CTNNA1: variants seen among roughly 807,000 people sequenced by gnomAD.
The protein encoded by CTNNA1 is catenin alpha-1.
A neutral mutation model predicts 98.4 loss-of-function variants in CTNNA1; 37 were observed. The ratio of observed to expected loss-of-function variants is 0.38; its 90% CI spans 0.29 to 0.49. The LOEUF is 0.49. CTNNA1 is among the 20% of genes least tolerant of loss of function. CTNNA1 has a pLI of 0.95. For missense variants in CTNNA1, 761 were observed against 1,147.2 expected (o/e 0.66, Z 4.86); for synonymous variants, 404 against 413.2 (o/e 0.98, Z 0.27).
intron 1 of CTNNA1, among the ~76,000 whole-genome samples, chr5:138,776,734 C>A (rs867961569): frequency 6.7e-6 from 1 of 149,856 alleles, no homozygotes; most frequent in African/African-American, 2.4e-5. Flanking sequence ...CTCCTCACTT[C>A]CCAGTAGGGG....
At chr5:138,931,329 C>CTGAT (rs1352656654) in intron 16 of CTNNA1, among the ~76,000 whole-genome samples, 2 of 152,222 alleles carry the variant, frequency 1.3e-5, no homozygotes, top group Non-Finnish European at 2.9e-5. Context: ...TTCCCTCACA[C>CTGAT]TGATAGGTAC....
intron 7 of CTNNA1, among the ~76,000 whole-genome samples, chr5:138,851,447 T>C (rs1462255330): frequency 6.6e-6 from 1 of 152,056 alleles, no homozygotes; most frequent in Non-Finnish European, 1.5e-5. Flanking sequence ...GCAGGAGAGG[T>C]GTACACGTGG....
At position 138,759,923 on chromosome 5, in the gene CTNNA1, T is replaced by G. The variant is rs146205302; in HGVS notation, c.-3+6413T>G. Among the ~76,000 whole-genome samples, 343 of 151,960 alleles carry G rather than the reference T, an allele frequency of 2.3e-3. 1 individual carries two copies. Among genetic ancestry groups the G allele is most frequent in the African/African-American group, 8.1e-3 (335 of 41,452 alleles). On this transcript the variant is annotated intron_variant, in intron 1 of 17. Transcript: ENST00000302763. ...AATTGTCTAGGTGGGGAGACTGATC[T>G]TGGTGCTTCCTACTCTGCTGTTTTA...
chr5:138,852,859 TCGCG>T (rs1554089776), intron 7 of CTNNA1, among the ~76,000 whole-genome samples: 1 of 15,644 alleles, frequency 6.4e-5, no homozygotes, highest in Non-Finnish European at 1.5e-4. Flanking sequence ...TTCCCTCTTT[TCGCG>T]CGCGCGCGCA....
chr5:138,782,022 T>A lies in CTNNA1; in HGVS notation c.98T>A (p.Val33Asp). The A allele has an allele frequency of 2.5e-6, 4 of 1,608,406 alleles. No individual in the cohort carries two copies. The highest frequency in any genetic ancestry group is 3.4e-6 in the Non-Finnish European group (4 of 1,178,802). ...GTTGAGAGACTGTTGGAGCCTCTTG[T>A]TACACAGGTAAGAATCTGAAAACAC... ...LAVERLLEPL[V>D]TQVTTLVNTN... Residue 33 changes from valine to aspartate, a missense_variant, in exon 2 of 18, where the codon GTT (valine) becomes GAT (aspartate). Val to Asp is a radical substitution (Grantham distance 152). Transcript: ENST00000302763.
At chr5:138,807,817 G>A (rs538624719) in intron 3 of CTNNA1, among the ~76,000 whole-genome samples, 12 of 152,096 alleles carry the variant, frequency 7.9e-5, no homozygotes, top group South Asian at 2.1e-4. Flanking sequence ...GCGTGTTCTC[G>A]GTTCACTGCA....
At chr5:138,910,760 A>G (rs557365149) in intron 10 of CTNNA1, among the ~76,000 whole-genome samples, 1 of 152,258 alleles carries the variant, frequency 6.6e-6, no homozygotes, top group Non-Finnish European at 1.5e-5. Flanking sequence ...GTCTCAGGGG[A>G]GAGAGCTCCA....
intron 9 of CTNNA1, among the ~76,000 whole-genome samples, chr5:138,903,610 C>A (rs1190082084): frequency 6.6e-6 from 1 of 152,150 alleles, no homozygotes; most frequent in Non-Finnish European, 1.5e-5. Context: ...AAAGATTGTT[C>A]CTGGCCACGT....
rs1580862601 is a variant in CTNNA1 at position 138,925,408 on chromosome 5, G to A, written c.1899+1G>A. 6.2e-7 allele frequency: 1 copy of A among 1,613,404 alleles called. No individual in the cohort carries two copies. Among genetic ancestry groups the A allele is most frequent in the Non-Finnish European group, 8.5e-7 (1 of 1,179,748 alleles). On this transcript the variant is annotated splice_donor_variant, in intron 13 of 17. Transcript: ENST00000302763. LOFTEE classifies it high-confidence loss of function. ...CAGGAAAGCAGTGCTGATGATAAGG[G>A]TGAGTAACTGCATTTCAGACGTCTT...
intron 3 of CTNNA1, among the ~76,000 whole-genome samples, chr5:138,804,284 G>A (rs563817464): frequency 6.6e-6 from 1 of 151,468 alleles, no homozygotes. Flanking sequence ...ATTCAATACT[G>A]GTTTTTTTTC....
At chr5:138,932,261 G>A in intron 16 of CTNNA1, 2 of 1,139,920 alleles carry the variant, frequency 1.8e-6, no homozygotes, top group Non-Finnish European at 2.2e-6. Flanking sequence ...TTTGGGGTGA[G>A]GGGATCCTTG....
At chr5:138,921,202 CTT>C (rs1762848736) in intron 11 of CTNNA1, among the ~76,000 whole-genome samples, 1 of 152,208 alleles carries the variant, frequency 6.6e-6, no homozygotes, top group Non-Finnish European at 1.5e-5. Flanking sequence ...GATAAAGACT[CTT>C]TGAATTTCAC....
chr5:138,894,139 G>A (rs1034262490), intron 9 of CTNNA1, among the ~76,000 whole-genome samples: 12 of 150,122 alleles, frequency 8.0e-5, no homozygotes, highest in South Asian at 4.3e-4. Context: ...GGCTGGTCTC[G>A]AACTCCTGAC....
chr5:138,925,244 CTT>C lies in CTNNA1; in HGVS notation c.1748-10_1748-9del, dbSNP rs779700217. On this transcript the variant is annotated splice_polypyrimidine_tract_variant and intron_variant, in intron 12 of 17. Coordinates refer to ENST00000302763, the MANE Select transcript of CTNNA1 (RefSeq NM_001903.5). ...GCTGACCAGGGTATCTACTGTGCCTCTTTCTCCACAGTCATGCCACGTTTTAC... is the reference window on the plus strand; with the variant it reads ...GCTGACCAGGGTATCTACTGTGCCTCTCTCCACAGTCATGCCACGTTTTAC... 1.2e-5 allele frequency: 20 copies of C among 1,612,942 alleles called. No individual in the cohort carries two copies. In the Admixed American group the frequency reaches 3.3e-4, roughly 27 times the overall value.
Position 138,874,456 on chromosome 5 carries a change from T to C in CTNNA1, c.1063-11756T>C, listed in dbSNP as rs2149936472. The C allele has an allele frequency of 1.2e-6, 2 of 1,613,610 alleles. No homozygotes were observed. The highest frequency in any genetic ancestry group is 1.1e-5 in the South Asian group (1 of 90,988). On this transcript the variant is annotated intron_variant, in intron 7 of 17. Coordinates refer to ENST00000302763, the MANE Select transcript of CTNNA1 (RefSeq NM_001903.5). The surrounding 1 kb of genome is among the most constrained non-coding windows in gnomAD (Gnocchi z 4.1). ...GCAGCTTCTCGCAGCGGCATTTGGGTGGACACGCCATACCCAGGGCAGGCA... is the reference window on the plus strand; with the variant it reads ...GCAGCTTCTCGCAGCGGCATTTGGGCGGACACGCCATACCCAGGGCAGGCA...
At position 138,874,459 on chromosome 5, in the gene CTNNA1, A is replaced by G; in HGVS notation, c.1063-11753A>G. 6.2e-7 allele frequency: 1 copy of G among 1,613,622 alleles called. No individual in the cohort carries two copies. Among genetic ancestry groups the G allele is most frequent in the Non-Finnish European group, 8.5e-7 (1 of 1,179,742 alleles). On this transcript the variant is annotated intron_variant, in intron 7 of 17. Coordinates refer to ENST00000302763, the MANE Select transcript of CTNNA1 (RefSeq NM_001903.5). This position sits in a 1 kb window ranked among gnomAD's most constrained non-coding sequence, Gnocchi z 4.1. ...GCTTCTCGCAGCGGCATTTGGGTGGACACGCCATACCCAGGGCAGGCAGCA... is the reference window on the plus strand; with the variant it reads ...GCTTCTCGCAGCGGCATTTGGGTGGGCACGCCATACCCAGGGCAGGCAGCA...
At chr5:138,842,762 G>A (rs1186893545) in intron 7 of CTNNA1, among the ~76,000 whole-genome samples, 1 of 152,090 alleles carries the variant, frequency 6.6e-6, no homozygotes, top group Non-Finnish European at 1.5e-5. Flanking sequence ...CTTTTTCAAA[G>A]CAATATTAAA....
At chr5:138,791,918 T>C (rs988855352) in intron 3 of CTNNA1, among the ~76,000 whole-genome samples, 9 of 152,088 alleles carry the variant, frequency 5.9e-5, no homozygotes, top group Middle Eastern at 3.4e-3. Context: ...TTGTTACATA[T>C]GTATACGTGT....
At chr5:138,836,332 A>G (rs187967966) in intron 7 of CTNNA1, among the ~76,000 whole-genome samples, 3 of 152,332 alleles carry the variant, frequency 2.0e-5, no homozygotes, top group East Asian at 1.9e-4. Flanking sequence ...ATGCCCTCCA[A>G]GTTCATCCAT....
Sources: gnomAD v4.1 joint callset for allele counts (sites outside exome capture counted in the v4.1 genomes callset) on GRCh38, gnomAD v4.1.1 for gene constraint, Gnocchi (gnomAD v3.1) non-coding constraint, MANE v1.5 for transcripts, NCBI Gene and HGNC (gene_info 2026-07-23, HGNC 2026-07-21) for gene names.